HOMER2: variants seen among roughly 807,000 people sequenced by gnomAD.
HOMER2 encodes homer protein homolog 2.
Under a neutral mutation model 47.0 loss-of-function variants are expected in HOMER2, and 27 were observed. The observed-to-expected ratio is 0.57, with a 90% CI of 0.42 to 0.79. The LOEUF is 0.79. Ranked by LOEUF, HOMER2 falls within the 30% of genes least tolerant of loss-of-function variation. The pLI is 0.00. For missense variants in HOMER2, 443 were observed against 435.0 expected, an observed-to-expected ratio of 1.02 and a Z score of -0.16; for synonymous variants, 161 against 163.8, an observed-to-expected ratio of 0.98 and a Z score of 0.13.
intron 1 of HOMER2, among the ~76,000 whole-genome samples, chr15:82,980,086 T>TTA (rs1380850522): frequency 6.6e-6 from 1 of 152,120 alleles, no homozygotes; most frequent in Admixed American, 6.5e-5. Flanking sequence ...GAGAAGTGTA[T>TTA]TATATATATG....
chr15:82,902,848 A>C (rs1364112897), intron 1 of HOMER2, among the ~76,000 whole-genome samples: 1 of 152,048 alleles, frequency 6.6e-6, no homozygotes, highest in Non-Finnish European at 1.5e-5. Flanking sequence ...ATCTACTTAC[A>C]TACTTTGTTC....
chr15:82,933,314 C>T (rs1470180667), intron 1 of HOMER2, among the ~76,000 whole-genome samples: 1 of 152,040 alleles, frequency 6.6e-6, no homozygotes, highest in Admixed American at 6.5e-5. Flanking sequence ...GCAGCCTCGA[C>T]CTCCTGGGCT....
chr15:82,866,194 T>G (rs1440345552), intron 3 of HOMER2, among the ~76,000 whole-genome samples: 2 of 152,296 alleles, frequency 1.3e-5, no homozygotes, highest in Admixed American at 1.3e-4. Flanking sequence ...GCCCACCTCT[T>G]GCATCAGTGT....
chr15:82,963,290 A>T (rs148706183), intron 1 of HOMER2, among the ~76,000 whole-genome samples: 6 of 151,678 alleles, frequency 4.0e-5, no homozygotes, highest in Non-Finnish European at 8.8e-5. Context: ...GGATCTCCCT[A>T]TGTTGCCCAC....
rs1256429 is a variant in HOMER2 at position 82,852,284 on chromosome 15, C to T, written c.652-32G>A. 1,168,507 of 1,486,134 alleles carry T rather than the reference C, an allele frequency of 0.79. 462,003 individuals are homozygous for T. The highest frequency in any genetic ancestry group is 0.92 in the African/African-American group (66,970 of 72,522). The allele number at this position is 1,486,134 out of a possible 1,614,324, so 92.1% of individuals were successfully genotyped here. A position where few individuals can be genotyped will look rare whatever the true frequency, so the allele number is the denominator to read the frequency against. On this transcript the variant is annotated intron_variant, in intron 6 of 8. Transcript: ENST00000450735. ...TACACACCACACAGGAAAGCAGGGA[C>T]GCCAGCTTAACATTAGTCATTAAGC...
At chr15:82,916,632 TC>T (rs1192996242) in intron 1 of HOMER2, among the ~76,000 whole-genome samples, 1 of 152,008 alleles carries the variant, frequency 6.6e-6, no homozygotes, top group Admixed American at 6.6e-5. Flanking sequence ...GTGAGGGTGC[TC>T]CAAACACCAG....
chr15:82,872,112 G>A (rs1001791318), intron 3 of HOMER2, among the ~76,000 whole-genome samples: 4 of 152,134 alleles, frequency 2.6e-5, no homozygotes, highest in African/African-American at 9.7e-5. Flanking sequence ...GGGCCACTCG[G>A]CTGAGGGGAA....
At chr15:82,902,871 T>C (rs1174238227) in intron 1 of HOMER2, among the ~76,000 whole-genome samples, 2 of 150,546 alleles carry the variant, frequency 1.3e-5, no homozygotes, top group Non-Finnish European at 2.9e-5. Context: ...AAGCTGAAAA[T>C]AATTTTGTTT....
At chr15:82,947,823 T>G (rs2054414414) in intron 1 of HOMER2, among the ~76,000 whole-genome samples, 1 of 152,238 alleles carries the variant, frequency 6.6e-6, no homozygotes. Context: ...GGAGGCCTAT[T>G]TGGTGCCAGG....
chr15:82,889,811 G>A (rs565636213), intron 2 of HOMER2, among the ~76,000 whole-genome samples: 5 of 145,516 alleles, frequency 3.4e-5, no homozygotes, highest in African/African-American at 5.7e-5. Flanking sequence ...CTGCCAGGTC[G>A]AGAGAGGGCC....
At chr15:82,852,312 G>A (rs1680918609) in intron 6 of HOMER2, 60 bp from the exon 7 acceptor site, 2 of 1,137,374 alleles carry the variant, frequency 1.8e-6, no homozygotes, top group East Asian at 2.3e-5. Flanking sequence ...CATTAAGCAA[G>A]AGATCACCAC....
chr15:82,956,798 T>C (rs998494547), upstream of HOMER2, among the ~76,000 whole-genome samples: 1 of 152,082 alleles, frequency 6.6e-6, no homozygotes, highest in Non-Finnish European at 1.5e-5. Flanking sequence ...GCCTGGAGTA[T>C]AGAAAATGAA....
At chr15:82,889,396 G>A (rs1260532488) in intron 2 of HOMER2, among the ~76,000 whole-genome samples, 1 of 152,250 alleles carries the variant, frequency 6.6e-6, no homozygotes, top group Non-Finnish European at 1.5e-5. Flanking sequence ...TGGGTAGCCA[G>A]TGAACATGGA....
chr15:82,849,680 G>C lies in HOMER2; in HGVS notation c.*35C>G. The C allele has an allele frequency of 6.3e-7, 1 of 1,587,600 alleles. No individual in the cohort carries two copies. The highest frequency in any genetic ancestry group is 8.6e-7 in the Non-Finnish European group (1 of 1,163,912). ...GCTATCTGGTCTCGCACACACGCTT[G>C]GGACTCACGGGCGGGGCCTGGGCCT... On this transcript the variant is annotated 3_prime_UTR_variant, in exon 9 of 9. Transcript: ENST00000450735.
At chr15:82,950,271 A>G (rs2054477827) in intron 1 of HOMER2, among the ~76,000 whole-genome samples, 1 of 152,220 alleles carries the variant, frequency 6.6e-6, no homozygotes, top group Admixed American at 6.5e-5. Flanking sequence ...GGCCACACTT[A>G]ACACAGAACA....
chr15:82,851,004 G>A, intron 8 of HOMER2, 147 bp downstream of exon 8: 2 of 647,600 alleles, frequency 3.1e-6, no homozygotes, highest in Non-Finnish European at 5.5e-6. Flanking sequence ...GTGCCATCTG[G>A]CGTGCAGTCA....
chr15:82,875,966 T>A (rs2052336886), intron 2 of HOMER2, among the ~76,000 whole-genome samples: 1 of 152,142 alleles, frequency 6.6e-6, no homozygotes, highest in Non-Finnish European at 1.5e-5. Flanking sequence ...GTACAGGGAA[T>A]CTGTAAGGAT....
intron 1 of HOMER2, among the ~76,000 whole-genome samples, chr15:82,964,765 A>G (rs1182672737): frequency 6.6e-6 from 1 of 152,144 alleles, no homozygotes. Flanking sequence ...GTGAGACTCC[A>G]TCTCAAAAAA....
chr15:82,933,836 C>G (rs948157964), intron 1 of HOMER2, among the ~76,000 whole-genome samples: 1 of 152,210 alleles, frequency 6.6e-6, no homozygotes, highest in East Asian at 1.9e-4. Context: ...GTCTCTCTCA[C>G]ACTCACGAAA....
Sources: allele counts gnomAD v4.1 joint callset (sites outside exome capture counted in the v4.1 genomes callset), GRCh38; gene constraint gnomAD v4.1.1; transcripts MANE v1.5; gene names NCBI Gene and HGNC (gene_info 2026-07-23, HGNC 2026-07-21).